Variants in C11orf16 observed in about 807,000 individuals in gnomAD.
C11orf16 encodes the protein chromosome 11 open reading frame 16.
In C11orf16, 38 loss-of-function variants were observed where a neutral mutation model predicts 45.1. That is an observed-to-expected ratio of 0.84 (90% CI 0.65 to 1.10). C11orf16 has a LOEUF of 1.10. C11orf16 is among the 50% of genes least tolerant of loss of function. The pLI is 0.00. For synonymous variants in C11orf16, 221 were observed against 222.0 expected (o/e 1.00, Z 0.04); for missense variants, 583 against 569.5 (o/e 1.02, Z -0.24).
intron 2 of C11orf16, among the ~76,000 whole-genome samples, chr11:8,931,587 A>G (rs2064650689): frequency 6.6e-6 from 1 of 152,064 alleles, no homozygotes; most frequent in Admixed American, 6.5e-5. Flanking sequence ...ACGGGGTTTC[A>G]CCATCTTGGC....
At chr11:8,922,294 G>T (rs769162891) in intron 5 of C11orf16, among the ~76,000 whole-genome samples, 3 of 152,070 alleles carry the variant, frequency 2.0e-5, no homozygotes, top group African/African-American at 4.8e-5. Context: ...GATTGCTTGA[G>T]CCCAGGAGTT....
At position 8,920,207 on chromosome 11, in the gene C11orf16, G is replaced by A; in HGVS notation, c.*266C>T. On this transcript the variant is annotated 3_prime_UTR_variant, in exon 7 of 7. Transcript: ENST00000326053. Reference sequence around the variant, plus strand: ...GGCTGACCCCCTCTTCCACGGAAGAGGCATCTTAAAGCAGTTTCACCAGGG... The same window carrying A: ...GGCTGACCCCCTCTTCCACGGAAGAAGCATCTTAAAGCAGTTTCACCAGGG... 2.6e-6 allele frequency: 1 copy of A among 389,204 alleles called. No individual in the cohort carries two copies. The highest frequency in any genetic ancestry group is 4.5e-6 in the Non-Finnish European group (1 of 220,580). The allele number at this position is 389,204 out of a possible 1,614,324, so 24.1% of individuals were successfully genotyped here.
At chr11:8,926,908 G>A in intron 4 of C11orf16, 32 bp downstream of exon 4, 1 of 1,564,104 alleles carries the variant, frequency 6.4e-7, no homozygotes, top group Non-Finnish European at 8.8e-7. Flanking sequence ...GGCTCCTTCT[G>A]GGCACTGATG....
At position 8,921,348 on chromosome 11, in the gene C11orf16, C is replaced by T. The variant is rs374922374; in HGVS notation, c.1372G>A (p.Ala458Thr). The change falls in exon 6 of 7, where the codon GCA becomes ACA. Residue 458 changes from alanine to threonine, a missense_variant. Ala to Thr is a moderately conservative substitution (Grantham distance 58). Transcript: ENST00000326053. ...AEHRKRSQSL[A>T]ICQWNKNSR ...GAATTCTTGTTCCACTGACATATTG[C>T]AAGGCTCTGACTCCGCTTTCTGTGT... 1.1e-4 allele frequency: 184 copies of T among 1,614,032 alleles called. No homozygotes were observed. Among genetic ancestry groups the T allele is most frequent in the Non-Finnish European group, 1.4e-4 (168 of 1,180,050 alleles).
In C11orf16 at chr11:8,925,579, C is replaced by G. The variant is rs1324629712; in HGVS notation, c.1088G>C (p.Ser363Thr). ...AAAGATGGGATCTGTGTTGACTGCA[C>G]TGTTCACCATCAGTCTCTGGGGAGG... Reference protein sequence around the residue: ...MGPPQRLMVNSAVNTDPIFLE... With the variant: ...MGPPQRLMVNTAVNTDPIFLE... Residue 363 changes from serine to threonine, a missense_variant, in exon 5 of 7, where the codon AGT becomes ACT. By Grantham distance (58) the Ser-to-Thr change is moderately conservative. Transcript: ENST00000326053. The G allele has an allele frequency of 6.2e-7, 1 of 1,614,154 alleles. No homozygotes were observed. The highest frequency in any genetic ancestry group is 1.3e-5 in the African/African-American group (1 of 74,948).
chr11:8,921,868 T>G (rs2064577227), intron 5 of C11orf16, among the ~76,000 whole-genome samples: 1 of 152,220 alleles, frequency 6.6e-6, no homozygotes, highest in Non-Finnish European at 1.5e-5. Flanking sequence ...CTTGAACTCC[T>G]GGGCTCAAGA....
chr11:8,932,355 C>T (rs1285369325), intron 1 of C11orf16, 29 bp from the exon 2 acceptor site: 2 of 1,520,372 alleles, frequency 1.3e-6, no homozygotes, highest in Non-Finnish European at 1.8e-6. Flanking sequence ...ATTACCTGAG[C>T]TGCAGCTTGA....
chr11:8,924,452 G>C lies in C11orf16; in HGVS notation c.1204+1011C>G, dbSNP rs542218909. On this transcript the variant is annotated intron_variant, in intron 5 of 6. Transcript: ENST00000326053. The stretch of plus-strand genomic sequence containing the variant: ...GAGGCATGAGAATCACTCGAACCTG[G>C]GAGGCAGAGGTTGCAGTGAGCCAAA... Among the ~76,000 whole-genome samples the C allele has an allele frequency of 8.7e-4, 133 of 152,244 alleles. 1 individual carries two copies. The highest frequency in any genetic ancestry group is 1.5e-3 in the Non-Finnish European group (100 of 68,018).
In C11orf16 at chr11:8,923,390, C is replaced by T. The variant is rs772905630; in HGVS notation, c.1205-1875G>A. On this transcript the variant is annotated intron_variant, in intron 5 of 6. Transcript: ENST00000326053. Reference sequence around the variant, plus strand: ...TGTCTCAGTTGCTCCCCACAGACCCCTCTCTGTTGGGTAGGTACAGCTCTT... The same window carrying T: ...TGTCTCAGTTGCTCCCCACAGACCCTTCTCTGTTGGGTAGGTACAGCTCTT... Among the ~76,000 whole-genome samples the T allele has an allele frequency of 1.0e-3, 158 of 152,338 alleles. 1 individual carries two copies. Among genetic ancestry groups the T allele is most frequent in the Admixed American group, 1.7e-3 (26 of 15,310 alleles).
chr11:8,925,795 GT>G lies in C11orf16; in HGVS notation c.871del (p.Thr291LeufsTer5). The G allele has an allele frequency of 1.9e-6, 3 of 1,614,240 alleles. No homozygotes were observed. The highest frequency in any genetic ancestry group is 2.5e-6 in the Non-Finnish European group (3 of 1,180,050). ...TGAGGTCCTGGTTAGAGGCCACCAA[GT>G]CGTGCCACATGGCGGGCAGCCACAG... The part of the protein sequence containing the change: ...CLCGCPPCGT[T>X]WWPLTRTSEV... On this transcript the variant is annotated frameshift_variant, in exon 5 of 7. Coordinates refer to ENST00000326053, the MANE Select transcript of C11orf16 (RefSeq NM_020643.3). LOFTEE classifies it high-confidence loss of function.
Position 8,921,392 on chromosome 11 carries a change from G to A in C11orf16, c.1328C>T (p.Thr443Ile). 6.2e-7 allele frequency: 1 copy of A among 1,614,244 alleles called. No individual in the cohort carries two copies. The highest frequency in any genetic ancestry group is 1.3e-5 in the African/African-American group (1 of 75,048). Residue 443 changes from threonine (T) to isoleucine (I), a missense_variant, in exon 6 of 7, where the codon ACC (threonine) becomes ATC (isoleucine). Thr to Ile is a moderately conservative substitution (Grantham distance 89). Transcript: ENST00000326053. ...SKATHMKPPR[T>I]PPGEAEHRKR... ...TCTGTGTTCAGCTTCCCCTGGCGGG[G>A]TCCGCGGTGGCTTCATGTGGGTTGC...
In C11orf16 at chr11:8,929,421, C is replaced by T. The variant is rs1259157966; in HGVS notation, c.280G>A (p.Ala94Thr). Reference sequence around the variant, plus strand: ...TGGGCCCGGTAGTAAAAACCATCTGCTTCCCTTCTTGCTAGGACCCATGTG... The same window carrying T: ...TGGGCCCGGTAGTAAAAACCATCTGTTTCCCTTCTTGCTAGGACCCATGTG... ...ANTWVLARREADGFYYRAQIK... is the reference protein window; with the variant it reads ...ANTWVLARRETDGFYYRAQIK... The change falls in exon 3 of 7, where the codon GCA (alanine) becomes ACA (threonine). Residue 94 changes from alanine (A) to threonine (T), a missense_variant. Transcript: ENST00000326053. 3.7e-6 allele frequency: 6 copies of T among 1,614,032 alleles called. No individual in the cohort carries two copies. The African/African-American group carries it at 6.7e-5, about 18-fold the overall frequency.
intron 5 of C11orf16, 99 bp from the exon 6 acceptor site, chr11:8,921,614 CA>C: frequency 1.8e-6 from 2 of 1,106,156 alleles, no homozygotes; most frequent in Admixed American, 2.0e-5. Flanking sequence ...TAAGCTCAAG[CA>C]TTGTTTTCTT....
Position 8,926,075 on chromosome 11 carries a change from A to G in C11orf16, c.592T>C (p.Trp198Arg), listed in dbSNP as rs199690650. 5 of 1,607,918 alleles carry G rather than the reference A, an allele frequency of 3.1e-6. No homozygotes were observed. The East Asian group carries it at 6.7e-5, about 22-fold the overall frequency. The change falls in exon 5 of 7, where the codon TGG (tryptophan) becomes CGG (arginine). Residue 198 changes from tryptophan to arginine, a missense_variant. Transcript: ENST00000326053. ...GGCACTTTAGCAGCTTTGCCATTCC[A>G]GAAATGAACAGTGATTTCTTTTTCC... is the stretch of plus-strand genomic sequence containing the variant. Reference protein sequence around the residue: ...SKEKEITVHFWNGKAAKVPLG... With the variant: ...SKEKEITVHFRNGKAAKVPLG...
intron 4 of C11orf16, 114 bp downstream of exon 4, chr11:8,926,821 ATTCTC>A: frequency 2.8e-6 from 2 of 717,580 alleles, no homozygotes; most frequent in South Asian, 2.0e-5. Flanking sequence ...AGGGGGAAAA[ATTCTC>A]TTCTTAATGC....
chr11:8,925,424 G>A, intron 5 of C11orf16, 39 bp downstream of exon 5: 1 of 1,579,088 alleles, frequency 6.3e-7, no homozygotes, highest in Non-Finnish European at 8.6e-7. Flanking sequence ...CGGGGCCCCA[G>A]CCCCTGCCTT....
chr11:8,932,069 CT>C (rs1194662160), intron 2 of C11orf16, 72 bp downstream of exon 2: 3 of 1,429,664 alleles, frequency 2.1e-6, no homozygotes, highest in Non-Finnish European at 2.8e-6. Context: ...CCACCAAGGT[CT>C]ACCACCAACA....
chr11:8,929,446 G>A lies in C11orf16; in HGVS notation c.255C>T (p.Asn85=), dbSNP rs1193970635. The A allele has an allele frequency of 6.2e-7, 1 of 1,614,174 alleles. No homozygotes were observed. Among genetic ancestry groups the A allele is most frequent in the Admixed American group, 1.7e-5 (1 of 60,022 alleles). ...GWLGRAGDAA[N]TWVLARREAD... ...CTTCCCTTCTTGCTAGGACCCATGT[G>A]TTGGCAGCATCTCCAGCTCTTCCCA... is the stretch of plus-strand genomic sequence containing the variant. The change falls in exon 3 of 7, where the codon AAC becomes AAT. Residue 85 remains asparagine (N), a synonymous_variant. Coordinates refer to ENST00000326053, the MANE Select transcript of C11orf16 (RefSeq NM_020643.3).
Position 8,926,050 on chromosome 11 carries a change from G to T in C11orf16, c.617C>A (p.Pro206His). ...GGACACCGACTGGACCCCACCTAGG[G>T]GCACTTTAGCAGCTTTGCCATTCCA... Reference protein sequence around the residue: ...HFWNGKAAKVPLGGVQSVSLT... With the variant: ...HFWNGKAAKVHLGGVQSVSLT... The change falls in exon 5 of 7, where the codon CCC becomes CAC. Residue 206 changes from proline (P) to histidine (H), a missense_variant. Coordinates refer to ENST00000326053, the MANE Select transcript of C11orf16 (RefSeq NM_020643.3). 6.2e-7 allele frequency: 1 copy of T among 1,613,886 alleles called. No homozygotes were observed. Among genetic ancestry groups the T allele is most frequent in the Middle Eastern group, 1.6e-4 (1 of 6,062 alleles).
Sources: allele counts gnomAD v4.1 joint callset (sites outside exome capture counted in the v4.1 genomes callset), GRCh38; gene constraint gnomAD v4.1.1; transcripts MANE v1.5; gene names NCBI Gene and HGNC (gene_info 2026-07-23, HGNC 2026-07-21).